Variants in HDAC9 observed in about 807,000 individuals in gnomAD.
HDAC9 encodes the protein histone deacetylase 9, also known as MEF-2 interacting transcription repressor (MITR) protein.
A neutral mutation model predicts 139.4 loss-of-function variants in HDAC9; 41 were observed. That is an observed-to-expected ratio of 0.29 (90% CI 0.23 to 0.38). The LOEUF is 0.38. HDAC9 is among the 10% of genes least tolerant of loss of function. HDAC9 has a pLI of 1.00. For missense variants in HDAC9, 1,147 were observed against 1,297.0 expected (o/e 0.88, Z 1.78); for synonymous variants, 517 against 476.2 (o/e 1.09, Z -1.12).
intron 1 of HDAC9, among the ~76,000 whole-genome samples, chr7:18,409,839 G>T (rs192688029): frequency 6.6e-6 from 1 of 152,042 alleles, no homozygotes; most frequent in African/African-American, 2.4e-5. Flanking sequence ...TCAAATATTG[G>T]CTAAATTAAA....
At chr7:18,359,945 T>A (rs562295975) in intron 1 of HDAC9, among the ~76,000 whole-genome samples, 18 of 152,284 alleles carry the variant, frequency 1.2e-4, no homozygotes, top group African/African-American at 3.9e-4. Context: ...AAGGGCATTT[T>A]CTTAACCCTC....
intron 22 of HDAC9, among the ~76,000 whole-genome samples, chr7:18,876,776 C>G (rs531865933): frequency 1.3e-3 from 196 of 151,194 alleles, no homozygotes; most frequent in Non-Finnish European, 2.2e-3. Flanking sequence ...GATCTCGGCT[C>G]ACTACAACCT....
At chr7:18,685,926 A>G (rs1782236995) in intron 12 of HDAC9, among the ~76,000 whole-genome samples, 2 of 152,046 alleles carry the variant, frequency 1.3e-5, no homozygotes, top group African/African-American at 4.8e-5. Flanking sequence ...ACAACAATGA[A>G]AGGTAGTAGG....
intron 14 of HDAC9, among the ~76,000 whole-genome samples, chr7:18,756,878 T>A (rs954351609): frequency 5.2e-5 from 7 of 133,968 alleles, no homozygotes; most frequent in Non-Finnish European, 1.2e-4. Flanking sequence ...CTCCCCAACC[T>A]TTTTTTTTTT....
intron 3 of HDAC9, among the ~76,000 whole-genome samples, chr7:18,588,042 A>G (rs754045897): frequency 6.6e-6 from 1 of 152,188 alleles, no homozygotes; most frequent in Non-Finnish European, 1.5e-5. Context: ...AATAACACCC[A>G]TTAAGGGAGT....
intron 1 of HDAC9, among the ~76,000 whole-genome samples, chr7:18,155,096 T>TCTTTCTTTCTTTC (rs373149531): frequency 6.8e-5 from 10 of 147,736 alleles, no homozygotes; most frequent in African/African-American, 2.6e-4. Context: ...TTTCTTTCTT[T>TCTTTCTTTCTTTC]TTTTTTTTTT....
At chr7:18,882,576 GA>G (rs2129257559) in intron 22 of HDAC9, among the ~76,000 whole-genome samples, 1 of 151,150 alleles carries the variant, frequency 6.6e-6, no homozygotes, top group South Asian at 2.1e-4. Context: ...TTTGGTATTG[GA>G]AAATATTTGT....
intron 1 of HDAC9, among the ~76,000 whole-genome samples, chr7:18,156,730 T>C (rs953026512): frequency 2.6e-5 from 4 of 152,166 alleles, no homozygotes; most frequent in Admixed American, 2.0e-4. Context: ...TGTGATGTTA[T>C]TATGGGTATG....
At chr7:18,373,312 A>G (rs1784736622) in intron 1 of HDAC9, among the ~76,000 whole-genome samples, 1 of 152,130 alleles carries the variant, frequency 6.6e-6, no homozygotes, top group Non-Finnish European at 1.5e-5. Flanking sequence ...TAGTTTATGT[A>G]AAGTTCATAT....
intron 1 of HDAC9, among the ~76,000 whole-genome samples, chr7:18,140,138 C>G (rs1325359825): frequency 6.6e-6 from 1 of 152,108 alleles, no homozygotes; most frequent in South Asian, 2.1e-4. Context: ...AGCCAGGGTA[C>G]TCATTACTCA....
intron 25 of HDAC9, among the ~76,000 whole-genome samples, chr7:18,986,584 G>T (rs1785374525): frequency 7.0e-6 from 1 of 143,194 alleles, no homozygotes; most frequent in African/African-American, 2.5e-5. Flanking sequence ...GAACTTTAAA[G>T]TATTTTTTTC....
chr7:18,903,451 C>T (rs1408178435), intron 22 of HDAC9, among the ~76,000 whole-genome samples: 1 of 152,286 alleles, frequency 6.6e-6, no homozygotes, highest in East Asian at 1.9e-4. Context: ...ACATATCCTT[C>T]CTCTTGTCAA....
intron 23 of HDAC9, among the ~76,000 whole-genome samples, chr7:18,937,148 C>T (rs1479505251): frequency 6.7e-6 from 1 of 149,138 alleles, no homozygotes; most frequent in East Asian, 2.0e-4. Context: ...GAAGTGATTC[C>T]CCTGCCTCAG....
chr7:18,881,578 C>T (rs1490307101), intron 22 of HDAC9, among the ~76,000 whole-genome samples: 1 of 152,034 alleles, frequency 6.6e-6, no homozygotes, highest in Non-Finnish European at 1.5e-5. Flanking sequence ...CTATACCTAT[C>T]TTAAAATGTC....
chr7:18,222,719 T>C (rs1419115380), intron 2 of HDAC9, among the ~76,000 whole-genome samples: 1 of 152,184 alleles, frequency 6.6e-6, no homozygotes, highest in African/African-American at 2.4e-5. Context: ...TACTATTCTT[T>C]ATTTTGCTTT....
intron 2 of HDAC9, among the ~76,000 whole-genome samples, chr7:18,250,656 T>G (rs904017051): frequency 2.0e-5 from 3 of 152,206 alleles, no homozygotes; most frequent in Non-Finnish European, 2.9e-5. Context: ...CTCAAAGCCT[T>G]TCTTGTATTA....
chr7:18,179,655 G>C (rs1789230528), intron 2 of HDAC9, among the ~76,000 whole-genome samples: 3 of 152,070 alleles, frequency 2.0e-5, no homozygotes, highest in African/African-American at 4.8e-5. Flanking sequence ...TACCTTATCT[G>C]TTTATCTATT....
chr7:18,100,912 C>A (rs1338366213), intron 1 of HDAC9, among the ~76,000 whole-genome samples: 1 of 151,928 alleles, frequency 6.6e-6, no homozygotes, highest in Non-Finnish European at 1.5e-5. Flanking sequence ...CAGCTTGATC[C>A]TTTCAGGTCT....
Position 18,733,115 on chromosome 7 carries a change from G to A in HDAC9, c.1909+5358G>A, listed in dbSNP as rs2588619. On this transcript the variant is annotated intron_variant, in intron 13 of 25. Coordinates refer to ENST00000686413, the MANE Select transcript of HDAC9 (RefSeq NM_178425.4). Reference sequence around the variant, plus strand: ...TACATGTGTATATATACATATATATGTGTATACATGTATATATATACACAT... The same window carrying A: ...TACATGTGTATATATACATATATATATGTATACATGTATATATATACACAT... Among the ~76,000 whole-genome samples the A allele has an allele frequency of 9.7e-3, 1,391 of 143,442 alleles. 30 individuals carry two copies. Among genetic ancestry groups the A allele is most frequent in the African/African-American group, 0.034 (1,311 of 38,422 alleles). The allele number at this position is 143,442 out of a possible 152,430, so 94.1% of individuals were successfully genotyped here. A position where few individuals can be genotyped will look rare whatever the true frequency, so the allele number is the denominator to read the frequency against.
Sources: allele counts gnomAD v4.1 joint callset (sites outside exome capture counted in the v4.1 genomes callset), GRCh38; gene constraint gnomAD v4.1.1; transcripts MANE v1.5; gene names NCBI Gene and HGNC (gene_info 2026-07-23, HGNC 2026-07-21).